The following SNX27 variants were observed in gnomAD, a reference collection of about 807,000 sequenced individuals.
The protein encoded by SNX27 is sorting nexin-27.
A neutral mutation model predicts 71.6 loss-of-function variants in SNX27; 22 were observed. That is an observed-to-expected ratio of 0.31 (90% CI 0.22 to 0.44). The LOEUF (loss-of-function observed/expected upper bound fraction) is 0.44. Ranked by LOEUF, SNX27 falls within the 20% of genes least tolerant of loss-of-function variation. The pLI is 1.00. For synonymous variants in SNX27, 269 were observed against 277.2 expected (o/e 0.97, Z 0.29); for missense variants, 531 against 698.6 (o/e 0.76, Z 2.70).
chr1:151,694,322 T>C, intron 11 of SNX27, 48 bp from the exon 12 acceptor site: 1 of 1,548,048 alleles, frequency 6.5e-7, no homozygotes, highest in Non-Finnish European at 8.7e-7. Flanking sequence ...TGTCTCCAGA[T>C]AAGAGGAGAT....
Position 151,696,524 on chromosome 1 carries a change from T to G in SNX27, c.*2107T>G, listed in dbSNP as rs1314512035. Reference sequence around the variant, plus strand: ...TTCTTTCGTTCTTTCGTTCTTTCGTTCTTTCTTTCTTTCTTTCTTTCTCTT... The same window carrying G: ...TTCTTTCGTTCTTTCGTTCTTTCGTGCTTTCTTTCTTTCTTTCTTTCTCTT... On this transcript the variant is annotated 3_prime_UTR_variant, in exon 12 of 12. Coordinates refer to ENST00000458013, the MANE Select transcript of SNX27 (RefSeq NM_001330723.2). 2 of 143,110 alleles carry G rather than the reference T, an allele frequency of 1.4e-5. No individual in the cohort carries two copies. Among genetic ancestry groups the G allele is most frequent in the East Asian group, 4.0e-4 (2 of 5,028 alleles). 8.9% of individuals were successfully genotyped at this position (143,110 alleles called of 1,614,324 possible). A position where few individuals can be genotyped will look rare whatever the true frequency, so the allele number is the denominator to read the frequency against.
At chr1:151,652,226 G>GAGAGGA (rs1669438863) in intron 2 of SNX27, among the ~76,000 whole-genome samples, 1 of 123,720 alleles carries the variant, frequency 8.1e-6, no homozygotes, top group Admixed American at 8.6e-5. Context: ...GAGGGAGAGG[G>GAGAGGA]AGAGGGAGAG....
chr1:151,648,504 C>T (rs1669166920), intron 2 of SNX27, among the ~76,000 whole-genome samples: 1 of 152,172 alleles, frequency 6.6e-6, no homozygotes, highest in African/African-American at 2.4e-5. Flanking sequence ...ACTGCAACCT[C>T]CACCTCCCAG....
At chr1:151,692,817 T>A in intron 9 of SNX27, 94 bp from the exon 10 acceptor site, 1 of 1,541,348 alleles carries the variant, frequency 6.5e-7, no homozygotes, top group South Asian at 1.2e-5. Context: ...ATCCATTCAT[T>A]TCTCTTCTGT....
At chr1:151,646,456 AGAGT>A (rs1669035865) in intron 2 of SNX27, among the ~76,000 whole-genome samples, 2 of 151,586 alleles carry the variant, frequency 1.3e-5, no homozygotes, top group Admixed American at 1.3e-4. Flanking sequence ...TTGGATGGAT[AGAGT>A]ATTTTTAAAT....
intron 1 of SNX27, among the ~76,000 whole-genome samples, chr1:151,625,234 C>T (rs1667869279): frequency 2.0e-5 from 3 of 152,274 alleles, no homozygotes; most frequent in East Asian, 1.9e-4. Context: ...AGGCCAGGCG[C>T]TGTGGCTGAC....
At chr1:151,638,251 A>G (rs113748403) in intron 1 of SNX27, among the ~76,000 whole-genome samples, 48 of 152,322 alleles carry the variant, frequency 3.2e-4, no homozygotes, top group African/African-American at 1.1e-3. Flanking sequence ...GAATCCCAAG[A>G]GGTTAATTGA....
In SNX27 at chr1:151,692,402, C is replaced by T. The variant is rs140655928; in HGVS notation, c.1240-33C>T. The T allele has an allele frequency of 9.5e-3, 13,259 of 1,390,938 alleles. 264 individuals carry two copies. Among genetic ancestry groups the T allele is most frequent in the Middle Eastern group, 0.012 (51 of 4,320 alleles). The allele number at this position is 1,390,938 out of a possible 1,614,324, so 86.2% of individuals were successfully genotyped here. ...ATAGTAACCCTGTTTCCTGTTTCTC[C>T]TTCCTTTTTTTTTTTTTTTTTTTTT... On this transcript the variant is annotated intron_variant, in intron 8 of 11. Coordinates refer to ENST00000458013, the MANE Select transcript of SNX27 (RefSeq NM_001330723.2).
chr1:151,685,235 A>G (rs1671140334), intron 8 of SNX27: 1 of 152,296 alleles, frequency 6.6e-6, no homozygotes, highest in East Asian at 1.9e-4. Flanking sequence ...AAAGTCAAAA[A>G]AGCATTAAGT....
At chr1:151,674,609 A>C (rs985244263) in intron 7 of SNX27, among the ~76,000 whole-genome samples, 2 of 151,008 alleles carry the variant, frequency 1.3e-5, no homozygotes, top group African/African-American at 2.4e-5. Flanking sequence ...GCCTAGCCAA[A>C]TCACTAGTCT....
chr1:151,688,358 G>C (rs182806921), intron 8 of SNX27, among the ~76,000 whole-genome samples: 178 of 152,280 alleles, frequency 1.2e-3, no homozygotes, highest in Non-Finnish European at 2.1e-3. Flanking sequence ...ATTCAGCGAG[G>C]CGCGGTGGCT....
intron 5 of SNX27, 25 bp from the exon 6 acceptor site, chr1:151,665,908 A>T: frequency 6.4e-7 from 1 of 1,570,574 alleles, no homozygotes; most frequent in East Asian, 2.3e-5. Flanking sequence ...TTTTCTTGAA[A>T]CCAATCTATC....
chr1:151,654,440 C>G (rs1029941432), intron 2 of SNX27, among the ~76,000 whole-genome samples: 64 of 151,954 alleles, frequency 4.2e-4, no homozygotes, highest in African/African-American at 1.5e-3. Context: ...TAGCCGACCT[C>G]TGCTTGGTAA....
Position 151,683,346 on chromosome 1 carries a change from T to C in SNX27, c.1150-10T>C. 1.9e-6 allele frequency: 3 copies of C among 1,604,144 alleles called. No homozygotes were observed. In the African/African-American group the frequency reaches 4.0e-5, roughly 22 times the overall value. ...CACTCCTTTCTGCTCTACTTCTGTT[T>C]TGGTGATAGGCAGTCGATGATGTGA... is the stretch of plus-strand genomic sequence containing the variant. On this transcript the variant is annotated splice_polypyrimidine_tract_variant and intron_variant, in intron 7 of 11. Coordinates refer to ENST00000458013, the MANE Select transcript of SNX27 (RefSeq NM_001330723.2).
In SNX27 at chr1:151,697,892, T is replaced by C. The variant is rs1340216728; in HGVS notation, c.*3475T>C. The C allele has an allele frequency of 6.6e-6, 1 of 152,442 alleles. No homozygotes were observed. The highest frequency in any genetic ancestry group is 1.5e-5 in the Non-Finnish European group (1 of 68,046). The allele number at this position is 152,442 out of a possible 1,614,324, so 9.4% of individuals were successfully genotyped here. ...GGCCTTCCTCCACACTTGGTTTCTA[T>C]CCTCAGGGGTAGAAGCTCAGAGCTT... On this transcript the variant is annotated 3_prime_UTR_variant, in exon 12 of 12. Coordinates refer to ENST00000458013, the MANE Select transcript of SNX27 (RefSeq NM_001330723.2).
At chr1:151,675,479 T>A (rs1264302840) in intron 7 of SNX27, among the ~76,000 whole-genome samples, 5 of 152,218 alleles carry the variant, frequency 3.3e-5, no homozygotes, top group Non-Finnish European at 5.9e-5. Context: ...GTTTTTTATA[T>A]GTCATTTATG....
At chr1:151,648,669 T>G in intron 2 of SNX27, among the ~76,000 whole-genome samples, 1 of 152,196 alleles carries the variant, frequency 6.6e-6, no homozygotes, top group Non-Finnish European at 1.5e-5. Context: ...TCTGCCCACC[T>G]TGGCCTCCCA....
rs762924986 is a variant in SNX27, at chr1:151,681,235, C to CTTTTTTTTTTTTTTTTTTTTTTTTTTTT, written c.1150-2097_1150-2096insTTTTTTTTTTTTTTTTTTTTTTTTTTTT. ...CTAGAAGTTGAATTAGTCTCTCAAT[C>CTTTTTTTTTTTTTTTTTTTTTTTTTTTT]TTTTTTTTTTTTTTTTTTTTTTTTG... On this transcript the variant is annotated intron_variant, in intron 7 of 11. Coordinates refer to ENST00000458013, the MANE Select transcript of SNX27 (RefSeq NM_001330723.2). Among the ~76,000 whole-genome samples the CTTTTTTTTTTTTTTTTTTTTTTTTTTTT allele has an allele frequency of 6.3e-4, 38 of 60,696 alleles. 5 individuals are homozygous for CTTTTTTTTTTTTTTTTTTTTTTTTTTTT. The highest frequency in any genetic ancestry group is 1.0e-3 in the African/African-American group (16 of 15,716). The allele number at this position is 60,696 out of a possible 152,430, so 39.8% of individuals were successfully genotyped here.
intron 2 of SNX27, among the ~76,000 whole-genome samples, chr1:151,640,425 TG>T (rs1558045827): frequency 1.3e-5 from 2 of 152,222 alleles, no homozygotes; most frequent in Admixed American, 6.5e-5. Context: ...TCCCCCAGCC[TG>T]GGGTACAGTG....
Sources: gnomAD v4.1 joint callset for allele counts (sites outside exome capture counted in the v4.1 genomes callset) on GRCh38, gnomAD v4.1.1 for gene constraint, MANE v1.5 for transcripts, NCBI Gene and HGNC (gene_info 2026-07-23, HGNC 2026-07-21) for gene names.